AGAP1: variants seen among roughly 807,000 people sequenced by gnomAD.
AGAP1 encodes the protein ArfGAP with GTPase domain, ankyrin repeat and PH domain 1, also known as arf-GAP with GTPase, ANK repeat and PH domain-containing protein 1.
A neutral mutation model predicts 105.3 loss-of-function variants in AGAP1; 29 were observed. The observed-to-expected ratio is 0.28, with a 90% confidence interval of 0.21 to 0.38. The LOEUF is 0.38. AGAP1 is among the 10% of genes least tolerant of loss of function. The pLI, the probability that AGAP1 is intolerant of heterozygous loss-of-function variation, is 1.00. For synonymous variants in AGAP1, 509 were observed against 485.9 expected, an observed-to-expected ratio of 1.05 and a Z score of -0.63; for missense variants, 998 against 1,165.1, an observed-to-expected ratio of 0.86 and a Z score of 2.09.
At chr2:235,935,905 C>G (rs1421427655) in intron 12 of AGAP1, among the ~76,000 whole-genome samples, 1 of 152,176 alleles carries the variant, frequency 6.6e-6, no homozygotes, top group African/African-American at 2.4e-5. Context: ...CGTTGAGATG[C>G]GTCACACCTG....
chr2:235,672,738 A>G (rs556634666), intron 1 of AGAP1, among the ~76,000 whole-genome samples: 1 of 152,338 alleles, frequency 6.6e-6, no homozygotes, highest in Non-Finnish European at 1.5e-5. Flanking sequence ...TCAGAGAGAG[A>G]AAGAAAAACG....
chr2:235,726,528 A>G (rs1339962442), intron 3 of AGAP1, among the ~76,000 whole-genome samples: 1 of 152,222 alleles, frequency 6.6e-6, no homozygotes, highest in Non-Finnish European at 1.5e-5. Flanking sequence ...TAACAGAGCC[A>G]TTGAATCTAT....
At position 236,034,266 on chromosome 2, in the gene AGAP1, A is replaced by G. The variant is rs2057312962; in HGVS notation, c.1646-2295A>G. ...TGCACGATATCATTGTAAGTCAGCC[A>G]TGGTGAAACCTATGTGAAAGTTACA... On this transcript the variant is annotated intron_variant, in intron 13 of 17. Coordinates refer to ENST00000304032, the MANE Select transcript of AGAP1 (RefSeq NM_001037131.3). Among the ~76,000 whole-genome samples the G allele has an allele frequency of 2.0e-5, 3 of 152,140 alleles. No homozygotes were observed. The South Asian group carries it at 6.2e-4, about 32-fold the overall frequency.
At chr2:235,523,516 G>T (rs1475437900) in intron 1 of AGAP1, among the ~76,000 whole-genome samples, 1 of 152,134 alleles carries the variant, frequency 6.6e-6, no homozygotes, top group Non-Finnish European at 1.5e-5. Context: ...CAGCTGCTTG[G>T]TGCAGGTTCC....
At chr2:236,048,917 G>T in intron 15 of AGAP1, 142 bp from the exon 16 acceptor site, 1 of 739,140 alleles carries the variant, frequency 1.4e-6, no homozygotes. Context: ...ACTGAGCACT[G>T]GCTAGGGAGC....
chr2:235,521,166 A>G (rs369673898), intron 1 of AGAP1, among the ~76,000 whole-genome samples: 1 of 152,318 alleles, frequency 6.6e-6, no homozygotes, highest in Admixed American at 6.5e-5. Context: ...AACGTGCTGC[A>G]AATTGCTTTT....
At chr2:235,925,777 C>T (rs1048182204) in intron 11 of AGAP1, among the ~76,000 whole-genome samples, 9 of 152,174 alleles carry the variant, frequency 5.9e-5, no homozygotes, top group African/African-American at 2.2e-4. Context: ...AGGACTGCTT[C>T]GAGCTGACCT....
At position 235,612,950 on chromosome 2, in the gene AGAP1, G is replaced by C. The variant is rs921615567; in HGVS notation, c.164-96229G>C. ...TGCCTAAGGATGTCCTTCTAATTTG[G>C]AGTTAACCTCTCTTTCCCAGGTGAG... On this transcript the variant is annotated intron_variant, in intron 1 of 17. Transcript: ENST00000304032. The surrounding 1 kb of genome is among the most constrained non-coding windows in gnomAD (Gnocchi z 4.3). 2.0e-5 allele frequency among the ~76,000 whole-genome samples: 3 copies of C among 152,060 alleles called. No homozygotes were observed. The highest frequency in any genetic ancestry group is 7.2e-5 in the African/African-American group (3 of 41,390).
intron 13 of AGAP1, among the ~76,000 whole-genome samples, chr2:235,997,880 G>A (rs936576470): frequency 4.6e-5 from 7 of 151,970 alleles, no homozygotes; most frequent in Admixed American, 2.0e-4. Flanking sequence ...TTGAAACCAC[G>A]AGCCACAGTC....
In AGAP1 at chr2:235,555,206, C is replaced by T. The variant is rs1053018539; in HGVS notation, c.163+60357C>T. ...TTTCTTAAAGGAGCCAGAGGCTTGC[C>T]CGCCCTGCAGTGCCATCCTTCTTGC... On this transcript the variant is annotated intron_variant, in intron 1 of 17. Coordinates refer to ENST00000304032, the MANE Select transcript of AGAP1 (RefSeq NM_001037131.3). This position sits in a 1 kb window ranked among gnomAD's most constrained non-coding sequence, Gnocchi z 5.1. 2.0e-5 allele frequency among the ~76,000 whole-genome samples: 3 copies of T among 152,144 alleles called. No individual in the cohort carries two copies. Among genetic ancestry groups the T allele is most frequent in the African/African-American group, 7.2e-5 (3 of 41,434 alleles).
chr2:235,500,907 G>C (rs1941534356), intron 1 of AGAP1, among the ~76,000 whole-genome samples: 1 of 152,160 alleles, frequency 6.6e-6, no homozygotes, highest in Admixed American at 6.5e-5. Flanking sequence ...GCTGCTGCTT[G>C]CTTTCAGAAA....
intron 3 of AGAP1, among the ~76,000 whole-genome samples, chr2:235,722,113 A>G (rs911178542): frequency 6.6e-6 from 1 of 152,256 alleles, no homozygotes; most frequent in African/African-American, 2.4e-5. Flanking sequence ...ATCAAAGAGT[A>G]AACCTCTTGT....
In AGAP1 at chr2:235,683,701, T is replaced by A. The variant is rs867179927; in HGVS notation, c.164-25478T>A. Among the ~76,000 whole-genome samples, 97 of 147,808 alleles carry A rather than the reference T, an allele frequency of 6.6e-4. 1 individual carries two copies. The highest frequency in any genetic ancestry group is 2.3e-3 in the African/African-American group (92 of 40,230). On this transcript the variant is annotated intron_variant, in intron 1 of 17. Coordinates refer to ENST00000304032, the MANE Select transcript of AGAP1 (RefSeq NM_001037131.3). ...TTGTTTTTTCTTTCTCTCTCTCTCT[T>A]TTTTTTTTTATTATATTTTAAGTTC...
In AGAP1 at chr2:235,715,424, A is replaced by G. The variant is rs146455161; in HGVS notation, c.223-2133A>G. Among the ~76,000 whole-genome samples, 369 of 152,250 alleles carry G rather than the reference A, an allele frequency of 2.4e-3. 2 individuals are homozygous for G. The Middle Eastern group carries it at 0.034, about 14-fold the overall frequency. On this transcript the variant is annotated intron_variant, in intron 2 of 17. Transcript: ENST00000304032. ...GGCTGTCTGGGGGTGAGGGGAAAGC[A>G]GGGAAGCTTTCCCAAGAGAAAGTGA...
rs1001380176 is a variant in AGAP1 at position 235,719,399 on chromosome 2, G to A, written c.310+1755G>A. Among the ~76,000 whole-genome samples the A allele has an allele frequency of 6.6e-6, 1 of 152,290 alleles. No individual in the cohort carries two copies. The highest frequency in any genetic ancestry group is 2.4e-5 in the African/African-American group (1 of 41,560). ...CATTGTATTTGGGCCCAGCTGGGATGTCTTTTGCAGTGCATAATTGACCCT... is the reference window on the plus strand; with the variant it reads ...CATTGTATTTGGGCCCAGCTGGGATATCTTTTGCAGTGCATAATTGACCCT... On this transcript the variant is annotated intron_variant, in intron 3 of 17. Transcript: ENST00000304032. The surrounding 1 kb of genome is among the most constrained non-coding windows in gnomAD (Gnocchi z 4.9).
intron 1 of AGAP1, among the ~76,000 whole-genome samples, chr2:235,628,474 G>A (rs1946714260): frequency 6.6e-6 from 1 of 152,148 alleles, no homozygotes; most frequent in Non-Finnish European, 1.5e-5. Context: ...CTTGGCAGAA[G>A]GGAAGCCTGG....
At chr2:235,579,558 G>A (rs553529708) in intron 1 of AGAP1, among the ~76,000 whole-genome samples, 3 of 152,178 alleles carry the variant, frequency 2.0e-5, no homozygotes, top group East Asian at 1.9e-4. Context: ...GGCAGATCAC[G>A]AGGTCAGGAG....
chr2:235,820,406 C>A (rs544269398), intron 9 of AGAP1, among the ~76,000 whole-genome samples: 1 of 152,198 alleles, frequency 6.6e-6, no homozygotes, highest in South Asian at 2.1e-4. Flanking sequence ...TTGCCAGTGA[C>A]CCAAAATAAT....
Position 235,934,958 on chromosome 2 carries a change from C to T in AGAP1, c.1483+4035C>T, listed in dbSNP as rs1218138393. Among the ~76,000 whole-genome samples, 1 of 152,190 alleles carries T rather than the reference C, an allele frequency of 6.6e-6. No homozygotes were observed. The highest frequency in any genetic ancestry group is 1.5e-5 in the Non-Finnish European group (1 of 68,038). On this transcript the variant is annotated intron_variant, in intron 12 of 17. Transcript: ENST00000304032. The surrounding 1 kb of genome is among the most constrained non-coding windows in gnomAD (Gnocchi z 4.9). ...CTTTTCAAAGTCTCCTCTCTAGACACACCGGTCCCCCCGGGGTTTCTTCCT... is the reference window on the plus strand; with the variant it reads ...CTTTTCAAAGTCTCCTCTCTAGACATACCGGTCCCCCCGGGGTTTCTTCCT...
Sources: gnomAD v4.1 joint callset for allele counts (sites outside exome capture counted in the v4.1 genomes callset) on GRCh38, gnomAD v4.1.1 for gene constraint, Gnocchi (gnomAD v3.1) non-coding constraint, MANE v1.5 for transcripts, NCBI Gene and HGNC (gene_info 2026-07-23, HGNC 2026-07-21) for gene names.